Variants in XRCC4 observed in about 807,000 individuals in gnomAD.
XRCC4 encodes the protein DNA repair protein XRCC4.
A neutral mutation model predicts 39.1 loss-of-function variants in XRCC4; 28 were observed. The observed-to-expected ratio is 0.72, with a 90% confidence interval of 0.53 to 0.98. XRCC4 has a LOEUF of 0.98. XRCC4 is among the 50% of genes least tolerant of loss of function. The pLI is 0.00. For missense variants in XRCC4, 350 were observed against 376.4 expected, an observed-to-expected ratio of 0.93 and a Z score of 0.58; for synonymous variants, 123 against 126.4, an observed-to-expected ratio of 0.97 and a Z score of 0.18.
intron 6 of XRCC4, among the ~76,000 whole-genome samples, chr5:83,225,301 T>C (rs531512805): frequency 1.3e-5 from 2 of 152,258 alleles, no homozygotes; most frequent in Non-Finnish European, 1.5e-5. Flanking sequence ...ATGTGTGTTC[T>C]AGTTCCTTCT....
chr5:83,262,498 A>G (rs1475502787), intron 7 of XRCC4, among the ~76,000 whole-genome samples: 1 of 152,098 alleles, frequency 6.6e-6, no homozygotes, highest in African/African-American at 2.4e-5. Context: ...GACTCAATAT[A>G]CAGAGAGAAA....
intron 7 of XRCC4, among the ~76,000 whole-genome samples, chr5:83,311,309 A>G (rs1387531118): frequency 6.6e-6 from 1 of 152,236 alleles, no homozygotes; most frequent in Non-Finnish European, 1.5e-5. Context: ...CCAGGGGACT[A>G]TAATCAACAA....
chr5:83,113,175 A>G (rs1746530873), intron 3 of XRCC4, among the ~76,000 whole-genome samples: 1 of 152,148 alleles, frequency 6.6e-6, no homozygotes, highest in African/African-American at 2.4e-5. Flanking sequence ...AATGGGAGAA[A>G]TTGGCCAAAA....
chr5:83,215,995 CA>C (rs1279967819), intron 6 of XRCC4, among the ~76,000 whole-genome samples: 1 of 152,004 alleles, frequency 6.6e-6, no homozygotes, highest in Non-Finnish European at 1.5e-5. Flanking sequence ...TTCTGCACTT[CA>C]AAAAGGTATC....
chr5:83,212,523 GAA>G (rs1259140222), intron 6 of XRCC4, among the ~76,000 whole-genome samples: 1 of 151,936 alleles, frequency 6.6e-6, no homozygotes, highest in Non-Finnish European at 1.5e-5. Context: ...AAAAGAGAGA[GAA>G]AGGTAGAAAA....
At chr5:83,311,037 T>G (rs960415167) in intron 7 of XRCC4, 2 of 276,244 alleles carry the variant, frequency 7.2e-6, no homozygotes, top group Admixed American at 4.5e-5. Context: ...CTCCAGAATT[T>G]TAAGAGAATA....
intron 7 of XRCC4, among the ~76,000 whole-genome samples, chr5:83,283,875 G>A (rs3777032): frequency 0.16 from 23,931 of 151,840 alleles, 4,040 homozygotes; most frequent in African/African-American, 0.43. Flanking sequence ...ATATGTATGT[G>A]TGTCAGGACT....
chr5:83,138,595 T>C (rs893180205), intron 3 of XRCC4, among the ~76,000 whole-genome samples: 7 of 152,080 alleles, frequency 4.6e-5, no homozygotes, highest in Non-Finnish European at 8.8e-5. Flanking sequence ...TAGCACACTT[T>C]GCTAGTATAC....
intron 7 of XRCC4, among the ~76,000 whole-genome samples, chr5:83,337,515 G>A (rs574362255): frequency 1.0e-3 from 156 of 152,204 alleles, no homozygotes; most frequent in African/African-American, 3.6e-3. Flanking sequence ...ACCAGTGTAC[G>A]CTCTCCAGTG....
At chr5:83,250,203 A>G (rs1226173344) in intron 6 of XRCC4, among the ~76,000 whole-genome samples, 2 of 152,154 alleles carry the variant, frequency 1.3e-5, no homozygotes, top group Non-Finnish European at 2.9e-5. Flanking sequence ...AACCATTTAA[A>G]GTGCTCTCAG....
chr5:83,368,747 G>A, the XRCC4 span, among the ~76,000 whole-genome samples: 2 of 152,104 alleles, frequency 1.3e-5, no homozygotes, highest in African/African-American at 2.4e-5. Context: ...CAACCCTTAC[G>A]ATATACTAAA....
intron 7 of XRCC4, among the ~76,000 whole-genome samples, chr5:83,351,877 T>C (rs1757094459): frequency 6.6e-6 from 1 of 152,234 alleles, no homozygotes; most frequent in Non-Finnish European, 1.5e-5. Flanking sequence ...AAAATACTCA[T>C]CACCTAAACA....
intron 6 of XRCC4, among the ~76,000 whole-genome samples, chr5:83,239,753 C>T (rs899413701): frequency 1.3e-5 from 2 of 151,712 alleles, no homozygotes; most frequent in Admixed American, 1.3e-4. Context: ...GGTGTGAACC[C>T]AGGAGGCGGA....
chr5:83,141,110 G>T (rs7732092), intron 3 of XRCC4, among the ~76,000 whole-genome samples: 69,678 of 151,976 alleles, frequency 0.46, 16,855 homozygotes, highest in African/African-American at 0.59. Flanking sequence ...AATGTATTCT[G>T]GAAATCACTC....
chr5:83,187,812 A>G (rs1394156985), intron 3 of XRCC4, among the ~76,000 whole-genome samples: 1 of 152,194 alleles, frequency 6.6e-6, no homozygotes, highest in African/African-American at 2.4e-5. Context: ...GCTGTTGAAC[A>G]CTAAAATGTG....
downstream of XRCC4, among the ~76,000 whole-genome samples, chr5:83,355,911 T>C (rs1373590098): frequency 6.6e-6 from 1 of 152,206 alleles, no homozygotes; most frequent in Non-Finnish European, 1.5e-5. Flanking sequence ...GTGCTAGGAT[T>C]ACAGGCATGA....
At chr5:83,142,739 C>T (rs887435990) in intron 3 of XRCC4, among the ~76,000 whole-genome samples, 6 of 152,002 alleles carry the variant, frequency 3.9e-5, no homozygotes, top group African/African-American at 1.4e-4. Context: ...AAAAGGAACC[C>T]GTTCTGTAGA....
intron 7 of XRCC4, among the ~76,000 whole-genome samples, chr5:83,276,848 C>A (rs763490494): frequency 1.3e-5 from 2 of 151,154 alleles, no homozygotes; most frequent in Non-Finnish European, 2.9e-5. Context: ...ATGACAGAAT[C>A]TTGTTATAAT....
chr5:83,210,186 A>G (rs1218926325), intron 6 of XRCC4, among the ~76,000 whole-genome samples: 1 of 152,208 alleles, frequency 6.6e-6, no homozygotes, highest in Non-Finnish European at 1.5e-5. Context: ...GGGGATAACA[A>G]CATGTACTGC....
Sources: allele counts gnomAD v4.1 joint callset (sites outside exome capture counted in the v4.1 genomes callset), GRCh38; gene constraint gnomAD v4.1.1; transcripts MANE v1.5; gene names NCBI Gene and HGNC (gene_info 2026-07-23, HGNC 2026-07-21).